AOAH: variants seen among roughly 807,000 people sequenced by gnomAD.
The protein encoded by AOAH is acyloxyacyl hydrolase (neutrophil).
In AOAH, 64 loss-of-function variants were observed where a neutral mutation model predicts 92.2. The observed-to-expected ratio is 0.69, with a 90% CI of 0.57 to 0.86. The LOEUF (loss-of-function observed/expected upper bound fraction) is 0.86, where lower values mean the gene tolerates loss of function less well. AOAH is among the 40% of genes least tolerant of loss of function. The pLI is 0.00. For missense variants in AOAH, 656 were observed against 694.6 expected (o/e 0.94, Z 0.62); for synonymous variants, 263 against 254.5 (o/e 1.03, Z -0.32).
chr7:36,616,312 A>T, intron 11 of AOAH, 68 bp downstream of exon 11: 1 of 1,301,928 alleles, frequency 7.7e-7, no homozygotes, highest in Non-Finnish European at 1.1e-6. Flanking sequence ...CATCCCATTT[A>T]GAGAGAGCAA....
intron 16 of AOAH, among the ~76,000 whole-genome samples, chr7:36,533,983 C>T (rs909887001): frequency 2.0e-5 from 3 of 152,152 alleles, no homozygotes; most frequent in African/African-American, 7.2e-5. Context: ...GGGGCCCTGC[C>T]GCCCCTCTGG....
intron 13 of AOAH, among the ~76,000 whole-genome samples, chr7:36,565,500 C>T (rs1361927026): frequency 2.0e-5 from 3 of 151,926 alleles, no homozygotes; most frequent in Non-Finnish European, 2.9e-5. Flanking sequence ...AGGATTTATA[C>T]ATGCCTTCAC....
intron 1 of AOAH, among the ~76,000 whole-genome samples, chr7:36,708,491 T>C (rs1798565687): frequency 6.6e-6 from 1 of 152,192 alleles, no homozygotes; most frequent in Non-Finnish European, 1.5e-5. Flanking sequence ...ATGGTGGTCT[T>C]TAATTCTGTG....
At chr7:36,555,138 T>C (rs1786603992) in intron 13 of AOAH, among the ~76,000 whole-genome samples, 1 of 149,726 alleles carries the variant, frequency 6.7e-6, no homozygotes, top group Non-Finnish European at 1.5e-5. Flanking sequence ...AGATAGCTCT[T>C]ATTATTTTGA....
intron 2 of AOAH, among the ~76,000 whole-genome samples, chr7:36,678,600 T>TGTGTGTGTGTGCGCGC (rs549317369): frequency 6.7e-4 from 88 of 131,082 alleles, no homozygotes; most frequent in Middle Eastern, 4.3e-3. Flanking sequence ...TGTGTGTGTG[T>TGTGTGTGTGTGCGCGC]GCGCGCGCGC....
intron 14 of AOAH, 64 bp downstream of exon 14, chr7:36,549,375 G>C (rs2116317911): frequency 8.1e-7 from 1 of 1,231,622 alleles, no homozygotes; most frequent in East Asian, 2.3e-5. Context: ...GGTAATAACA[G>C]AGTTTTCATT....
At chr7:36,688,833 A>G (rs191787323) in intron 1 of AOAH, among the ~76,000 whole-genome samples, 2 of 137,822 alleles carry the variant, frequency 1.5e-5, no homozygotes, top group East Asian at 4.6e-4. Flanking sequence ...GTGTATATAT[A>G]CATATATATA....
chr7:36,578,497 T>C (rs1788692380), intron 12 of AOAH, among the ~76,000 whole-genome samples: 1 of 152,124 alleles, frequency 6.6e-6, no homozygotes, highest in South Asian at 2.1e-4. Context: ...ATATAAGACT[T>C]GTGATGATAA....
At chr7:36,671,990 C>A (rs1385843924) in intron 3 of AOAH, among the ~76,000 whole-genome samples, 1 of 152,132 alleles carries the variant, frequency 6.6e-6, no homozygotes, top group Non-Finnish European at 1.5e-5. Context: ...TTAAAACATA[C>A]TAGTCTAGCT....
rs1791887670 is a variant in AOAH, at chr7:36,616,447, A to G, written c.779T>C (p.Leu260Pro). 1 of 1,614,166 alleles carries G rather than the reference A, an allele frequency of 6.2e-7. No individual in the cohort carries two copies. The highest frequency in any genetic ancestry group is 8.5e-7 in the Non-Finnish European group (1 of 1,179,980). The change falls in exon 11 of 21, where the codon CTG (leucine) becomes CCG (proline). Residue 260 changes from leucine (L) to proline (P), a missense_variant. Physicochemically the swap from Leu to Pro is moderately conservative, Grantham distance 98. Coordinates refer to ENST00000617537, the MANE Select transcript of AOAH (RefSeq NM_001637.4). ...AAAATGAGCCCCAGCTGAGTCTCCC[A>G]GCAAAATGATTCCCCTGGGCTGTGA... ...EGSQPRGIIL[L>P]GDSAGAHFHI...
At chr7:36,635,049 C>A (rs1312909530) in intron 5 of AOAH, among the ~76,000 whole-genome samples, 1 of 152,068 alleles carries the variant, frequency 6.6e-6, no homozygotes, top group Non-Finnish European at 1.5e-5. Context: ...GAAAGACCAC[C>A]CTTCTCTTAC....
chr7:36,700,684 C>A (rs1451429628), intron 1 of AOAH, among the ~76,000 whole-genome samples: 2 of 151,936 alleles, frequency 1.3e-5, no homozygotes, highest in African/African-American at 4.8e-5. Flanking sequence ...ATTTCTTTTC[C>A]TTTGGGTAGA....
intron 13 of AOAH, among the ~76,000 whole-genome samples, chr7:36,568,244 T>C (rs1029963701): frequency 6.6e-6 from 1 of 152,332 alleles, no homozygotes; most frequent in Admixed American, 6.5e-5. Flanking sequence ...TCCCCACTGA[T>C]AACAGGTGTT....
At chr7:36,652,742 AT>A (rs1225545400) in intron 4 of AOAH, among the ~76,000 whole-genome samples, 1 of 152,216 alleles carries the variant, frequency 6.6e-6, no homozygotes, top group East Asian at 1.9e-4. Flanking sequence ...ACAAATCCCA[AT>A]TCGAGGAACA....
intron 1 of AOAH, among the ~76,000 whole-genome samples, chr7:36,712,399 G>A (rs1798827578): frequency 6.6e-6 from 1 of 151,994 alleles, no homozygotes; most frequent in African/African-American, 2.4e-5. Flanking sequence ...ACCAAATAGT[G>A]CTTTTAAAAA....
At chr7:36,609,403 G>C (rs1386502875) in intron 11 of AOAH, among the ~76,000 whole-genome samples, 2 of 152,040 alleles carry the variant, frequency 1.3e-5, no homozygotes, top group Non-Finnish European at 2.9e-5. Flanking sequence ...AATGGCTCCT[G>C]CTTGCCTTCA....
intron 11 of AOAH, among the ~76,000 whole-genome samples, chr7:36,613,351 T>A (rs114445849): frequency 6.6e-6 from 1 of 152,166 alleles, no homozygotes; most frequent in Non-Finnish European, 1.5e-5. Flanking sequence ...GATTCCAAGA[T>A]TTTTCTTTAT....
chr7:36,525,611 C>T (rs1784360176), intron 19 of AOAH, among the ~76,000 whole-genome samples: 1 of 152,112 alleles, frequency 6.6e-6, no homozygotes, highest in Admixed American at 6.5e-5. Context: ...ATCCAAAAAG[C>T]CAAAATCCAA....
rs768260369 is a variant in AOAH at position 36,530,498 on chromosome 7, GAGAGTTGCTCTGCTCTCTGA to G, written c.1426-4_1441del. 3.1e-6 allele frequency: 5 copies of G among 1,612,616 alleles called. No homozygotes were observed. The African/African-American group carries it at 6.7e-5, about 22-fold the overall frequency. On this transcript the variant is annotated splice_acceptor_variant and splice_polypyrimidine_tract_variant and coding_sequence_variant and intron_variant, in exon 19 of 21. Coordinates refer to ENST00000617537, the MANE Select transcript of AOAH (RefSeq NM_001637.4). LOFTEE classifies it high-confidence loss of function. Reference sequence around the variant, plus strand: ...GGCTGCAATTTTTTTCAGTGTGTTGGAGAGTTGCTCTGCTCTCTGAAGAGAGAGGAAACAGGGAGAATTTC... The same window carrying G: ...GGCTGCAATTTTTTTCAGTGTGTTGGAGAGAGAGGAAACAGGGAGAATTTC...
Sources: gnomAD v4.1 joint callset for allele counts (sites outside exome capture counted in the v4.1 genomes callset) on GRCh38, gnomAD v4.1.1 for gene constraint, MANE v1.5 for transcripts, NCBI Gene and HGNC (gene_info 2026-07-23, HGNC 2026-07-21) for gene names.